The following RAB38 variants were observed in gnomAD, a reference collection of about 807,000 sequenced individuals.
RAB38 encodes the protein ras-related protein Rab-38.
Under a neutral mutation model 18.4 loss-of-function variants are expected in RAB38, and 15 were observed. The ratio of observed to expected loss-of-function variants is 0.82; its 90% CI spans 0.55 to 1.26. The LOEUF (loss-of-function observed/expected upper bound fraction) is 1.26, where lower values mean the gene tolerates loss of function less well. Among genes scored for constraint, RAB38 ranks in the 50% most tolerant of loss-of-function variants. The pLI, the probability that RAB38 is intolerant of heterozygous loss-of-function variation, is 0.00. For synonymous variants in RAB38, 101 were observed against 104.4 expected (o/e 0.97, Z 0.20); for missense variants, 294 against 267.4 (o/e 1.10, Z -0.69).
chr11:88,075,543 C>T, the RAB38 span, among the ~76,000 whole-genome samples: 2 of 152,058 alleles, frequency 1.3e-5, no homozygotes, highest in African/African-American at 4.8e-5. Flanking sequence ...AAACGTAGTA[C>T]TAAGAGGGAC....
the RAB38 span, among the ~76,000 whole-genome samples, chr11:88,022,620 A>AAAAAAC: frequency 1.4e-5 from 2 of 145,132 alleles, no homozygotes; most frequent in African/African-American, 5.5e-5. Flanking sequence ...ACAAAAAAAA[A>AAAAAAC]AAAAAAAAAA....
intron 1 of RAB38, among the ~76,000 whole-genome samples, chr11:88,158,811 A>C (rs1034645147): frequency 6.6e-6 from 1 of 152,112 alleles, no homozygotes; most frequent in African/African-American, 2.4e-5. Context: ...AGTCAACATG[A>C]CACTAAAGAG....
the RAB38 span, among the ~76,000 whole-genome samples, chr11:88,075,069 A>C: frequency 6.6e-6 from 1 of 152,196 alleles, no homozygotes; most frequent in Non-Finnish European, 1.5e-5. Flanking sequence ...ATTATTATTA[A>C]AGAGAAAGTT....
the RAB38 span, among the ~76,000 whole-genome samples, chr11:88,035,376 T>C: frequency 0.021 from 3,269 of 152,274 alleles, 102 homozygotes; most frequent in African/African-American, 0.073. Context: ...CTCAGAAACA[T>C]TGACTAATAC....
chr11:88,118,220 G>A (rs908507893), intron 2 of RAB38, among the ~76,000 whole-genome samples: 6 of 152,228 alleles, frequency 3.9e-5, no homozygotes, highest in Non-Finnish European at 8.8e-5. Flanking sequence ...GTAGGAGCAT[G>A]CAACCAGGAA....
the RAB38 span, among the ~76,000 whole-genome samples, chr11:87,903,832 G>A: frequency 6.6e-6 from 1 of 151,228 alleles, no homozygotes; most frequent in Non-Finnish European, 1.5e-5. Context: ...ATTAAGTTGT[G>A]TATTAATTTT....
At chr11:88,136,378 A>G (rs1942834853) in intron 2 of RAB38, among the ~76,000 whole-genome samples, 1 of 152,246 alleles carries the variant, frequency 6.6e-6, no homozygotes, top group Non-Finnish European at 1.5e-5. Context: ...TGTGGCCAAC[A>G]AGACACATCA....
In RAB38 at chr11:88,163,425, G is replaced by C. The variant is rs34349436; in HGVS notation, c.202+11758C>G. 2.9e-3 allele frequency among the ~76,000 whole-genome samples: 437 copies of C among 152,170 alleles called. 2 individuals carry two copies. Among genetic ancestry groups the C allele is most frequent in the African/African-American group, 9.5e-3 (395 of 41,506 alleles). ...TGCCTACTGAACTTGCCATTTTTAAGATCCCATCTGAAAAATATCTGTTCA... is the reference window on the plus strand; with the variant it reads ...TGCCTACTGAACTTGCCATTTTTAACATCCCATCTGAAAAATATCTGTTCA... On this transcript the variant is annotated intron_variant, in intron 1 of 2. Coordinates refer to ENST00000243662, the MANE Select transcript of RAB38 (RefSeq NM_022337.3).
At chr11:87,952,600 G>C in the RAB38 span, among the ~76,000 whole-genome samples, 1 of 152,246 alleles carries the variant, frequency 6.6e-6, no homozygotes, top group East Asian at 1.9e-4. Context: ...ACACAAATGG[G>C]TTATACCCAC....
intron 2 of RAB38, among the ~76,000 whole-genome samples, chr11:88,126,383 A>C (rs980685854): frequency 4.6e-5 from 7 of 152,204 alleles, no homozygotes; most frequent in African/African-American, 1.2e-4. Context: ...AAAAATGATG[A>C]GTTCATGTCC....
At chr11:88,025,402 C>T in the RAB38 span, among the ~76,000 whole-genome samples, 19 of 152,112 alleles carry the variant, frequency 1.2e-4, no homozygotes, top group Middle Eastern at 6.8e-3. Context: ...TACCGAGTAA[C>T]GGGATTGCTA....
At chr11:87,815,980 G>C in the RAB38 span, 1 of 152,342 alleles carries the variant, frequency 6.6e-6, no homozygotes, top group African/African-American at 2.4e-5. Context: ...AGGCAGTTGA[G>C]GTATCTGATA....
chr11:87,873,922 G>GTGTATGTA, the RAB38 span, among the ~76,000 whole-genome samples: 1 of 103,122 alleles, frequency 9.7e-6, no homozygotes, highest in African/African-American at 3.8e-5. Flanking sequence ...GTGTGTGTGT[G>GTGTATGTA]TATATATATA....
chr11:87,850,714 CCACACACACA>C, the RAB38 span, among the ~76,000 whole-genome samples: 3 of 146,408 alleles, frequency 2.0e-5, no homozygotes, highest in Non-Finnish European at 3.0e-5. Context: ...CACAACACTG[CCACACACACA>C]CACACACACA....
At chr11:88,091,153 T>C in the RAB38 span, among the ~76,000 whole-genome samples, 122,219 of 151,924 alleles carry the variant, frequency 0.8, 49,375 homozygotes, top group African/African-American at 0.87. Context: ...TAGCCAGAAG[T>C]TTTATTCCCT....
chr11:87,864,980 A>G, the RAB38 span, among the ~76,000 whole-genome samples: 1 of 151,806 alleles, frequency 6.6e-6, no homozygotes, highest in East Asian at 1.9e-4. Context: ...AAACAGGACC[A>G]TTCTCTTGTC....
downstream of RAB38, among the ~76,000 whole-genome samples, chr11:88,112,793 A>T (rs34187520): frequency 2.2e-3 from 304 of 136,044 alleles, 1 homozygote; most frequent in African/African-American, 8.4e-3. Context: ...ACAACAACAA[A>T]ATATATATAT....
At chr11:88,045,169 G>A in the RAB38 span, among the ~76,000 whole-genome samples, 77 of 152,242 alleles carry the variant, frequency 5.1e-4, no homozygotes, top group African/African-American at 1.3e-3. Context: ...TCAGAAGGCC[G>A]TCTTATTCTC....
the RAB38 span, among the ~76,000 whole-genome samples, chr11:88,106,280 C>T: frequency 6.6e-6 from 1 of 152,076 alleles, no homozygotes; most frequent in Non-Finnish European, 1.5e-5. Context: ...CAACAACTTG[C>T]TCAGAGCAGC....
Sources: allele counts gnomAD v4.1 joint callset (sites outside exome capture counted in the v4.1 genomes callset), GRCh38; gene constraint gnomAD v4.1.1; transcripts MANE v1.5; gene names NCBI Gene and HGNC (gene_info 2026-07-23, HGNC 2026-07-21).